The following CSMD2 variants were observed in gnomAD, a reference collection of about 807,000 sequenced individuals.
CSMD2 encodes CUB and Sushi multiple domains 2.
Under a neutral mutation model 398.5 loss-of-function variants are expected in CSMD2, and 130 were observed. That is an observed-to-expected ratio of 0.33 (90% CI 0.28 to 0.38). The LOEUF (loss-of-function observed/expected upper bound fraction) is 0.38. Ranked by LOEUF, CSMD2 falls within the 10% of genes least tolerant of loss-of-function variation. CSMD2 has a pLI of 1.00. For synonymous variants in CSMD2, 1,828 were observed against 1,908.5 expected, an observed-to-expected ratio of 0.96 and a Z score of 1.10; for missense variants, 3,829 against 4,764.9, an observed-to-expected ratio of 0.80 and a Z score of 5.78.
rs1412521287 is a variant in CSMD2, at chr1:33,624,684, C to A, written c.5501-41G>T. The A allele has an allele frequency of 8.2e-6, 13 of 1,589,938 alleles. No homozygotes were observed. The highest frequency in any genetic ancestry group is 1.0e-5 in the Non-Finnish European group (12 of 1,163,316). On this transcript the variant is annotated intron_variant, in intron 34 of 70. Coordinates refer to ENST00000373381, the MANE Select transcript of CSMD2 (RefSeq NM_001281956.2). The surrounding 1 kb of genome is among the most constrained non-coding windows in gnomAD (Gnocchi z 4.7). ...ATCGGGTCAGAGGCTTTGTGGCCTC[C>A]CGTGGGAGCCTTCCCAAGCTGACTC...
At chr1:33,904,928 G>A (rs1031670261) in intron 5 of CSMD2, among the ~76,000 whole-genome samples, 1 of 151,992 alleles carries the variant, frequency 6.6e-6, no homozygotes, top group Non-Finnish European at 1.5e-5. Flanking sequence ...TTACAGGCAT[G>A]AGCCACCGTG....
intron 4 of CSMD2, among the ~76,000 whole-genome samples, chr1:33,927,940 G>A (rs1024902812): frequency 2.6e-5 from 4 of 152,160 alleles, no homozygotes; most frequent in Admixed American, 2.6e-4. Flanking sequence ...ATGACCTCAG[G>A]CCCTTTCCCA....
Position 33,633,866 on chromosome 1 carries a change from C to T in CSMD2, c.5087-331G>A, listed in dbSNP as rs1642629751. Among the ~76,000 whole-genome samples, 1 of 152,310 alleles carries T rather than the reference C, an allele frequency of 6.6e-6. No individual in the cohort carries two copies. The highest frequency in any genetic ancestry group is 3.4e-3 in the Middle Eastern group (1 of 294). On this transcript the variant is annotated intron_variant, in intron 31 of 70. Coordinates refer to ENST00000373381, the MANE Select transcript of CSMD2 (RefSeq NM_001281956.2). This position sits in a 1 kb window ranked among gnomAD's most constrained non-coding sequence, Gnocchi z 5.0. Reference sequence around the variant, plus strand: ...AGCAGCTGCAGCAGCTATCTGGAGGCCATCAGAGGGCTTTGGGTACCATCC... The same window carrying T: ...AGCAGCTGCAGCAGCTATCTGGAGGTCATCAGAGGGCTTTGGGTACCATCC...
At chr1:34,066,996 G>A (rs746706063) in intron 2 of CSMD2, among the ~76,000 whole-genome samples, 5 of 152,144 alleles carry the variant, frequency 3.3e-5, no homozygotes, top group Non-Finnish European at 5.9e-5. Context: ...TCATGCCCTC[G>A]CAGATTCATG....
intron 15 of CSMD2, among the ~76,000 whole-genome samples, chr1:33,727,796 G>A (rs981475267): frequency 1.3e-5 from 2 of 152,212 alleles, no homozygotes; most frequent in Non-Finnish European, 2.9e-5. Flanking sequence ...AAGCCGCTGG[G>A]ATTTGGAGGT....
At chr1:33,628,976 C>T (rs1642299917) in intron 32 of CSMD2, among the ~76,000 whole-genome samples, 1 of 150,386 alleles carries the variant, frequency 6.6e-6, no homozygotes, top group African/African-American at 2.4e-5. Context: ...ATTTGATTTA[C>T]AATCAAGGTG....
At chr1:33,746,924 CAG>C (rs572480070) in intron 13 of CSMD2, among the ~76,000 whole-genome samples, 8 of 152,204 alleles carry the variant, frequency 5.3e-5, no homozygotes, top group African/African-American at 1.7e-4. Context: ...CTCTGGAAAA[CAG>C]AGAAACATAC....
intron 15 of CSMD2, among the ~76,000 whole-genome samples, chr1:33,726,957 T>G (rs1049760270): frequency 5.9e-5 from 9 of 152,120 alleles, no homozygotes; most frequent in African/African-American, 2.2e-4. Context: ...GAAGTACAAC[T>G]AATATTTGGG....
At chr1:33,868,822 G>A (rs571766017) in intron 5 of CSMD2, 1 of 152,262 alleles carries the variant, frequency 6.6e-6, no homozygotes, top group South Asian at 2.1e-4. Context: ...AAATAAACGT[G>A]GGTAATGAGA....
intron 55 of CSMD2, 146 bp from the exon 56 acceptor site, chr1:33,550,496 C>T (rs1010827781): frequency 7.8e-6 from 6 of 765,788 alleles, no homozygotes; most frequent in African/African-American, 3.5e-5. Flanking sequence ...CTGGCATGCC[C>T]ACCTGGCGTT....
chr1:33,726,808 A>G (rs1189031067), intron 15 of CSMD2, 123 bp from the exon 16 acceptor site: 4 of 1,060,402 alleles, frequency 3.8e-6, no homozygotes, highest in Non-Finnish European at 5.3e-6. Context: ...AAAATTACAT[A>G]AACTATAAAC....
At chr1:33,779,673 C>T (rs1652453620) in intron 12 of CSMD2, among the ~76,000 whole-genome samples, 1 of 152,208 alleles carries the variant, frequency 6.6e-6, no homozygotes. Context: ...CCATGTGGGA[C>T]CTTCTTTCGA....
At chr1:33,626,288 G>A (rs552857141) in intron 33 of CSMD2, among the ~76,000 whole-genome samples, 198 bp downstream of exon 33, 4 of 152,304 alleles carry the variant, frequency 2.6e-5, no homozygotes, top group Admixed American at 6.5e-5. Context: ...CACAGAACTT[G>A]TCTAAGAAAT....
At chr1:33,541,417 A>C in intron 58 of CSMD2, 108 bp from the exon 59 acceptor site, 1 of 832,090 alleles carries the variant, frequency 1.2e-6, no homozygotes. Context: ...AAACTGTCAG[A>C]TCAGGGATGC....
intron 12 of CSMD2, among the ~76,000 whole-genome samples, chr1:33,784,327 G>T (rs937246088): frequency 6.6e-6 from 1 of 152,046 alleles, no homozygotes; most frequent in Admixed American, 6.5e-5. Flanking sequence ...CAAGGACAGG[G>T]AGTCACATCG....
intron 3 of CSMD2, among the ~76,000 whole-genome samples, chr1:33,978,408 A>T (rs1007378264): frequency 2.6e-5 from 4 of 152,160 alleles, no homozygotes; most frequent in Non-Finnish European, 5.9e-5. Flanking sequence ...GCTGAGCATG[A>T]CACATCACAG....
intron 3 of CSMD2, among the ~76,000 whole-genome samples, chr1:33,947,699 G>A (rs1644880469): frequency 6.6e-6 from 1 of 152,208 alleles, no homozygotes; most frequent in African/African-American, 2.4e-5. Context: ...GACTGCAAAA[G>A]ACAGGGATTC....
At chr1:33,605,147 C>T (rs931705482) in intron 42 of CSMD2, 135 bp downstream of exon 42, 2 of 842,934 alleles carry the variant, frequency 2.4e-6, no homozygotes, top group African/African-American at 3.4e-5. Flanking sequence ...CATGTGAAAA[C>T]AGGATGGACC....
Position 33,559,530 on chromosome 1 carries a change from T to G in CSMD2, c.8381-57A>C. The G allele has an allele frequency of 2.7e-6, 4 of 1,461,858 alleles. No homozygotes were observed. The highest frequency in any genetic ancestry group is 3.7e-6 in the Non-Finnish European group (4 of 1,082,688). 90.6% of individuals were successfully genotyped at this position (1,461,858 alleles called of 1,614,324 possible). A position where few individuals can be genotyped will look rare whatever the true frequency, so the allele number is the denominator to read the frequency against. On this transcript the variant is annotated intron_variant, in intron 53 of 70. Coordinates refer to ENST00000373381, the MANE Select transcript of CSMD2 (RefSeq NM_001281956.2). This position sits in a 1 kb window ranked among gnomAD's most constrained non-coding sequence, Gnocchi z 4.0. ...CCTACTATTCCACACCCCTCAGAATTTATCCACCTCTCACCTGGCATCTCT... is the reference window on the plus strand; with the variant it reads ...CCTACTATTCCACACCCCTCAGAATGTATCCACCTCTCACCTGGCATCTCT...
Sources: gnomAD v4.1 joint callset for allele counts (sites outside exome capture counted in the v4.1 genomes callset) on GRCh38, gnomAD v4.1.1 for gene constraint, Gnocchi (gnomAD v3.1) non-coding constraint, MANE v1.5 for transcripts, NCBI Gene and HGNC (gene_info 2026-07-23, HGNC 2026-07-21) for gene names.